KCNK13: variants seen among roughly 807,000 people sequenced by gnomAD.
KCNK13 encodes the protein potassium two pore domain channel subfamily K member 13, also known as potassium channel subfamily K member 13.
In KCNK13, 12 loss-of-function variants were observed where a neutral mutation model predicts 23.4. That is an observed-to-expected ratio of 0.51 (90% CI 0.33 to 0.83). The LOEUF (loss-of-function observed/expected upper bound fraction) is 0.83, where lower values mean the gene tolerates loss of function less well. Among genes scored for constraint, KCNK13 ranks in the 40% least tolerant of loss-of-function variants. The pLI, the probability that KCNK13 is intolerant of heterozygous loss-of-function variation, is 0.02. For missense variants in KCNK13, 463 were observed against 556.3 expected (o/e 0.83, Z 1.69); for synonymous variants, 231 against 229.5 (o/e 1.01, Z -0.06).
chr14:90,130,594 C>T (rs995509495), intron 1 of KCNK13, among the ~76,000 whole-genome samples: 1 of 151,910 alleles, frequency 6.6e-6, no homozygotes, highest in South Asian at 2.1e-4. Context: ...GGGCAGATCA[C>T]CTGAGGTCAG....
intron 1 of KCNK13, among the ~76,000 whole-genome samples, chr14:90,136,528 C>A (rs1445055966): frequency 1.3e-5 from 2 of 151,546 alleles, no homozygotes; most frequent in Non-Finnish European, 2.9e-5. Flanking sequence ...AAAAAAAAAT[C>A]TTAGCAAAAC....
rs139529646 is a variant in KCNK13 at position 90,077,311 on chromosome 14, G to C, written c.334+14772G>C. ...ATTTTTTGTACTTTTAGTGTAGACA[G>C]GGTTTCGCCATGTTGGCCAGGCTGG... On this transcript the variant is annotated intron_variant, in intron 1 of 1. Transcript: ENST00000282146. Among the ~76,000 whole-genome samples the C allele has an allele frequency of 9.7e-3, 1,476 of 151,474 alleles. 19 individuals carry two copies. Among genetic ancestry groups the C allele is most frequent in the African/African-American group, 0.034 (1,390 of 41,216 alleles).
chr14:90,135,001 C>G (rs1041823865), intron 1 of KCNK13, among the ~76,000 whole-genome samples: 1 of 152,166 alleles, frequency 6.6e-6, no homozygotes, highest in Non-Finnish European at 1.5e-5. Flanking sequence ...GTTTTTACCC[C>G]GCTTCCAAGG....
rs529545147 is a variant in KCNK13 at position 90,112,692 on chromosome 14, A to T, written c.334+50153A>T. 3.2e-4 allele frequency among the ~76,000 whole-genome samples: 48 copies of T among 152,340 alleles called. 2 individuals are homozygous for T. The highest frequency in any genetic ancestry group is 1.1e-3 in the African/African-American group (47 of 41,582). On this transcript the variant is annotated intron_variant, in intron 1 of 1. Coordinates refer to ENST00000282146, the MANE Select transcript of KCNK13 (RefSeq NM_022054.4). ...AAAAGCAACAGAAGGAAAAATGCAC[A>T]TGGTAAAATTGCTTTTTTTAATCAA...
At position 90,091,958 on chromosome 14, in the gene KCNK13, A is replaced by G. The variant is rs1889350742; in HGVS notation, c.334+29419A>G. ...TTTTTTTTTTTTGAGACAGAGTCTC[A>G]CTCTGTCCCCCAGGCTGGAGTGCAG... On this transcript the variant is annotated intron_variant, in intron 1 of 1. Transcript: ENST00000282146. 3.5e-5 allele frequency among the ~76,000 whole-genome samples: 5 copies of G among 142,080 alleles called. No individual in the cohort carries two copies. The South Asian group carries it at 1.1e-3, about 32-fold the overall frequency. 93.2% of individuals were successfully genotyped at this position (142,080 alleles called of 152,430 possible). A position where few individuals can be genotyped will look rare whatever the true frequency, so the allele number is the denominator to read the frequency against.
At chr14:90,156,978 T>A (rs993751633) in intron 1 of KCNK13, among the ~76,000 whole-genome samples, 6 of 152,222 alleles carry the variant, frequency 3.9e-5, no homozygotes, top group Non-Finnish European at 7.3e-5. Context: ...GGATTCTGAA[T>A]AAACCAGAGT....
chr14:90,151,027 C>T (rs1213207702), intron 1 of KCNK13, among the ~76,000 whole-genome samples: 1 of 152,112 alleles, frequency 6.6e-6, no homozygotes, highest in African/African-American at 2.4e-5. Flanking sequence ...TCCTCCTGTT[C>T]ACACTTTATG....
At chr14:90,131,527 G>A (rs1276472025) in intron 1 of KCNK13, among the ~76,000 whole-genome samples, 2 of 152,082 alleles carry the variant, frequency 1.3e-5, no homozygotes, top group African/African-American at 4.8e-5. Context: ...ACCATGCCCG[G>A]CCATATTATT....
intron 1 of KCNK13, among the ~76,000 whole-genome samples, chr14:90,133,081 C>T (rs1889893957): frequency 6.6e-6 from 1 of 152,132 alleles, no homozygotes; most frequent in Admixed American, 6.6e-5. Flanking sequence ...TTCCTTGGCT[C>T]CGCAAAGAGA....
intron 1 of KCNK13, among the ~76,000 whole-genome samples, chr14:90,142,028 C>G (rs55726172): frequency 0.064 from 9,703 of 151,552 alleles, 402 homozygotes; most frequent in South Asian, 0.21. Context: ...ACCTCATGAT[C>G]CGTCCGCCTC....
chr14:90,062,319 C>A lies in KCNK13; in HGVS notation c.114C>A (p.Phe38Leu). 6.4e-7 allele frequency: 1 copy of A among 1,555,566 alleles called. No individual in the cohort carries two copies. The highest frequency in any genetic ancestry group is 8.6e-7 in the Non-Finnish European group (1 of 1,156,976). Residue 38 changes from phenylalanine (F) to leucine (L), a missense_variant, in exon 1 of 2, where the codon TTC becomes TTA. Coordinates refer to ENST00000282146, the MANE Select transcript of KCNK13 (RefSeq NM_022054.4). This position sits in a 1 kb window ranked among gnomAD's most constrained non-coding sequence, Gnocchi z 4.5. The stretch of plus-strand genomic sequence containing the variant: ...ACCTGCTGGGCGGCGCCGCCGTCTT[C>A]TCCGCGCTGGAGCTGGCGCACGAGC... ...VLYLLGGAAV[F>L]SALELAHERQ...
chr14:90,102,003 C>G (rs1164615286), intron 1 of KCNK13, among the ~76,000 whole-genome samples: 4 of 151,726 alleles, frequency 2.6e-5, no homozygotes, highest in Non-Finnish European at 5.9e-5. Flanking sequence ...CCTGCCTCAG[C>G]CTCCCAAGTA....
chr14:90,104,971 G>A (rs1301501597), intron 1 of KCNK13, among the ~76,000 whole-genome samples: 3 of 151,020 alleles, frequency 2.0e-5, no homozygotes, highest in African/African-American at 7.3e-5. Context: ...TTGTTTTTCA[G>A]TAGAGATGGG....
At chr14:90,141,995 G>A (rs566421216) in intron 1 of KCNK13, among the ~76,000 whole-genome samples, 2 of 151,146 alleles carry the variant, frequency 1.3e-5, no homozygotes, top group East Asian at 4.0e-4. Context: ...CACTGTGTTA[G>A]CCAGGATGGT....
intron 1 of KCNK13, among the ~76,000 whole-genome samples, chr14:90,089,604 G>T (rs1889319200): frequency 6.6e-6 from 1 of 152,224 alleles, no homozygotes; most frequent in South Asian, 2.1e-4. Flanking sequence ...TAAGTAACGA[G>T]GAGCCAAATG....
chr14:90,159,768 A>G (rs748497559), intron 1 of KCNK13, among the ~76,000 whole-genome samples: 4 of 152,240 alleles, frequency 2.6e-5, no homozygotes, highest in East Asian at 1.9e-4. Flanking sequence ...ACTGAGACAC[A>G]TAAGAGGTTA....
intron 1 of KCNK13, among the ~76,000 whole-genome samples, chr14:90,127,659 A>G (rs1237857069): frequency 6.6e-6 from 1 of 151,362 alleles, no homozygotes; most frequent in African/African-American, 2.4e-5. Flanking sequence ...AAAAAAAAAA[A>G]AAAGAAAAAA....
At chr14:90,090,805 G>A (rs923854372) in intron 1 of KCNK13, among the ~76,000 whole-genome samples, 1 of 152,160 alleles carries the variant, frequency 6.6e-6, no homozygotes, top group Non-Finnish European at 1.5e-5. Flanking sequence ...TTAAAAACAG[G>A]AGTTTCCCTT....
chr14:90,094,113 T>C (rs2140402607), intron 1 of KCNK13, among the ~76,000 whole-genome samples: 1 of 152,296 alleles, frequency 6.6e-6, no homozygotes, highest in East Asian at 1.9e-4. Context: ...TCTGTCTCTA[T>C]CTCATTCCCC....
Sources: allele counts gnomAD v4.1 joint callset (sites outside exome capture counted in the v4.1 genomes callset), GRCh38; gene constraint gnomAD v4.1.1; non-coding constraint Gnocchi (gnomAD v3.1); transcripts MANE v1.5; gene names NCBI Gene and HGNC (gene_info 2026-07-23, HGNC 2026-07-21).